COA1: variants seen among roughly 807,000 people sequenced by gnomAD.
COA1 encodes the protein cytochrome c oxidase assembly factor 1.
In COA1, 13 loss-of-function variants were observed where a neutral mutation model predicts 16.0. That is an observed-to-expected ratio of 0.81 (90% confidence interval 0.53 to 1.29). The LOEUF is 1.29. Ranked by LOEUF, COA1 falls within the 50% of genes most tolerant of loss-of-function variation. The pLI is 0.00. For synonymous variants in COA1, 65 were observed against 65.7 expected (o/e 0.99, Z 0.05); for missense variants, 179 against 177.0 (o/e 1.01, Z -0.06).
At chr7:43,718,907 T>C (rs560593270) in intron 1 of COA1, among the ~76,000 whole-genome samples, 14 of 152,260 alleles carry the variant, frequency 9.2e-5, no homozygotes, top group Non-Finnish European at 1.3e-4. Flanking sequence ...GGGTTTTTAC[T>C]GCAGTTTTAA....
rs367714846 is a variant in COA1 at position 43,622,162 on chromosome 7, T to C, written c.*134-12667A>G. ...TCCTGTACCCTTCCTCCCACAGTCT[T>C]GCTATGTGGTCTGTTTTACTGTTTC... On this transcript the variant is annotated intron_variant and NMD_transcript_variant, in intron 6 of 6. Transcript: ENST00000415076. The C allele has an allele frequency of 2.6e-5, 4 of 152,328 alleles. No individual in the cohort carries two copies. The South Asian group carries it at 6.2e-4, about 24-fold the overall frequency. The allele number at this position is 152,328 out of a possible 1,614,324, so 9.4% of individuals were successfully genotyped here.
intron 1 of COA1, chr7:43,658,628 A>G (rs2092079324): frequency 1.3e-5 from 2 of 152,222 alleles, no homozygotes. Context: ...AGTGTTCACT[A>G]TCAAAACCTT....
intron 3 of COA1, 103 bp downstream of exon 3, chr7:43,647,432 C>A: frequency 1.2e-6 from 1 of 852,824 alleles, no homozygotes. Context: ...ACCCTCTCCT[C>A]CTTTCTCTAA....
At chr7:43,714,135 G>A (rs1364261395) in intron 1 of COA1, among the ~76,000 whole-genome samples, 1 of 152,048 alleles carries the variant, frequency 6.6e-6, no homozygotes, top group African/African-American at 2.4e-5. Flanking sequence ...TTGCAATGAG[G>A]TAGGATCATG....
intron 1 of COA1, among the ~76,000 whole-genome samples, chr7:43,691,054 C>CAAAAAA (rs1173049196): frequency 1.5e-3 from 59 of 39,426 alleles, no homozygotes; most frequent in East Asian, 1.9e-3. Flanking sequence ...CTCATCACTA[C>CAAAAAA]AAAAAAAAAA....
At chr7:43,722,125 C>G (rs997948093) in intron 1 of COA1, among the ~76,000 whole-genome samples, 2 of 147,384 alleles carry the variant, frequency 1.4e-5, no homozygotes, top group East Asian at 2.0e-4. Context: ...GGGTCTCACT[C>G]TGTCACTCAG....
chr7:43,692,411 G>A (rs2131055898), intron 1 of COA1, among the ~76,000 whole-genome samples: 1 of 152,170 alleles, frequency 6.6e-6, no homozygotes, highest in African/African-American at 2.4e-5. Flanking sequence ...TCAGCTACTT[G>A]GGAGGCTGAG....
chr7:43,688,206 T>G (rs6463202), intron 1 of COA1, among the ~76,000 whole-genome samples: 107,659 of 151,992 alleles, frequency 0.71, 38,607 homozygotes, highest in African/African-American at 0.84. Context: ...CGGACAGGAG[T>G]ATGAAGCAGA....
chr7:43,710,394 A>ATTTTTTTT (rs1268788403), intron 1 of COA1, among the ~76,000 whole-genome samples: 8 of 135,386 alleles, frequency 5.9e-5, no homozygotes, highest in African/African-American at 2.1e-4. Flanking sequence ...ATATATATAT[A>ATTTTTTTT]TTTTTAAGAT....
chr7:43,669,340 G>A (rs939542706), intron 1 of COA1, among the ~76,000 whole-genome samples: 4 of 152,094 alleles, frequency 2.6e-5, no homozygotes, highest in South Asian at 2.1e-4. Flanking sequence ...TCTTAGAGCC[G>A]AGTCAGCAAC....
chr7:43,701,268 C>T (rs182027206), intron 1 of COA1, among the ~76,000 whole-genome samples: 2 of 152,234 alleles, frequency 1.3e-5, no homozygotes, highest in Non-Finnish European at 2.9e-5. Flanking sequence ...ACTCTCCATC[C>T]TCAAATCCTC....
intron 1 of COA1, chr7:43,656,158 G>A (rs376031022): frequency 1.7e-4 from 26 of 152,132 alleles, no homozygotes; most frequent in African/African-American, 5.3e-4. Flanking sequence ...GTCAACCTAC[G>A]GAATCATGAA....
downstream of COA1, among the ~76,000 whole-genome samples, chr7:43,635,726 ATTTT>A (rs972061443): frequency 2.6e-5 from 4 of 152,204 alleles, no homozygotes; most frequent in African/African-American, 9.6e-5. Context: ...GTTCACTAAT[ATTTT>A]ATTTTGAATA....
chr7:43,623,493 G>GCTTA lies in COA1; in HGVS notation c.*134-14002_*134-13999dup. 3 of 1,209,404 alleles carry GCTTA rather than the reference G, an allele frequency of 2.5e-6. No individual in the cohort carries two copies. The South Asian group carries it at 3.9e-5, about 16-fold the overall frequency. 74.9% of individuals were successfully genotyped at this position (1,209,404 alleles called of 1,614,324 possible). ...TGGATAGTGCCTTATAGTTTCTAAT[G>GCTTA]CTTAGTTTTTTATCTCTTAGAGCAA... On this transcript the variant is annotated intron_variant and NMD_transcript_variant, in intron 6 of 6. Transcript: ENST00000415076.
rs550051428 is a variant in COA1, at chr7:43,608,490, G to A, written c.*1139C>T. ...AGTGATTTATTCAAACATGTTTCAC[G>A]TTTGTGTATTATTAGGTAACAAGGA... On this transcript the variant is annotated 3_prime_UTR_variant and NMD_transcript_variant, in exon 7 of 7. Transcript: ENST00000415076. 112 of 1,455,768 alleles carry A rather than the reference G, an allele frequency of 7.7e-5. No homozygotes were observed. In the South Asian group the frequency reaches 9.0e-4, roughly 12 times the overall value. 90.2% of individuals were successfully genotyped at this position (1,455,768 alleles called of 1,614,324 possible).
At chr7:43,699,134 G>T (rs2094620198) in intron 1 of COA1, among the ~76,000 whole-genome samples, 1 of 152,032 alleles carries the variant, frequency 6.6e-6, no homozygotes, top group Non-Finnish European at 1.5e-5. Flanking sequence ...GGGAGGTAAA[G>T]ACATTAATTG....
intron 1 of COA1, among the ~76,000 whole-genome samples, chr7:43,706,563 A>G (rs1483308080): frequency 6.6e-6 from 1 of 151,340 alleles, no homozygotes; most frequent in East Asian, 1.9e-4. Context: ...TAAAAAATAA[A>G]AAAATAAAAA....
At position 43,664,103 on chromosome 7, in the gene COA1, A is replaced by AAGAGAG. The variant is rs141990456; in HGVS notation, c.-38-15457_-38-15452dup. 7.8e-3 allele frequency among the ~76,000 whole-genome samples: 1,053 copies of AAGAGAG among 135,212 alleles called. 20 individuals carry two copies. The highest frequency in any genetic ancestry group is 0.019 in the African/African-American group (636 of 33,122). 88.7% of individuals were successfully genotyped at this position (135,212 alleles called of 152,430 possible). A position where few individuals can be genotyped will look rare whatever the true frequency, so the allele number is the denominator to read the frequency against. On this transcript the variant is annotated intron_variant, in intron 1 of 5. Coordinates refer to ENST00000223336, the MANE Select transcript of COA1 (RefSeq NM_018224.4). ...GAATCATTTAGTATTTGTCTTTAGAAAGAGAGAGAGAGAGAGAGAGAGAGA... is the reference window on the plus strand; with the variant it reads ...GAATCATTTAGTATTTGTCTTTAGAAAGAGAGAGAGAGAGAGAGAGAGAGAGAGAGA...
At chr7:43,716,363 T>C (rs1016346979) in intron 1 of COA1, among the ~76,000 whole-genome samples, 2 of 152,120 alleles carry the variant, frequency 1.3e-5, no homozygotes, top group Non-Finnish European at 2.9e-5. Flanking sequence ...CAGATGGAGA[T>C]GAGGAACTTG....
Sources: allele counts gnomAD v4.1 joint callset (sites outside exome capture counted in the v4.1 genomes callset), GRCh38; gene constraint gnomAD v4.1.1; transcripts MANE v1.5; gene names NCBI Gene and HGNC (gene_info 2026-07-23, HGNC 2026-07-21).